NELL1: variants seen among roughly 807,000 people sequenced by gnomAD.
NELL1 encodes neural EGFL like 1.
A neutral mutation model predicts 107.4 loss-of-function variants in NELL1; 76 were observed. That is an observed-to-expected ratio of 0.71 (90% CI 0.59 to 0.86). The LOEUF (loss-of-function observed/expected upper bound fraction) is 0.86, where lower values mean the gene tolerates loss of function less well. NELL1 is among the 40% of genes least tolerant of loss of function. The pLI is 0.00. For synonymous variants in NELL1, 353 were observed against 341.2 expected (o/e 1.03, Z -0.38); for missense variants, 1,024 against 1,005.5 (o/e 1.02, Z -0.25).
intron 5 of NELL1, among the ~76,000 whole-genome samples, chr11:20,914,116 G>A (rs971730578): frequency 1.3e-5 from 2 of 152,090 alleles, no homozygotes; most frequent in African/African-American, 4.8e-5. Flanking sequence ...TGGTTTTGGA[G>A]TGTTAATCGA....
intron 13 of NELL1, among the ~76,000 whole-genome samples, chr11:21,166,121 G>A (rs1221922928): frequency 4.0e-5 from 6 of 151,566 alleles, no homozygotes; most frequent in Non-Finnish European, 8.8e-5. Flanking sequence ...AAATAAGTCA[G>A]GCACAGAAAG....
At chr11:21,528,522 C>CTTTT (rs1554929484) in intron 15 of NELL1, among the ~76,000 whole-genome samples, 1 of 113,108 alleles carries the variant, frequency 8.8e-6, no homozygotes, top group Non-Finnish European at 1.8e-5. Context: ...CCCCCCCCCC[C>CTTTT]TTTTTTTTTT....
intron 14 of NELL1, among the ~76,000 whole-genome samples, chr11:21,234,534 G>A (rs1038655026): frequency 7.2e-5 from 11 of 152,132 alleles, no homozygotes; most frequent in Non-Finnish European, 1.5e-5. Context: ...CAACTTTAAC[G>A]TTGACTGCCT....
At chr11:21,338,783 AG>A (rs1477983107) in intron 14 of NELL1, among the ~76,000 whole-genome samples, 1 of 152,210 alleles carries the variant, frequency 6.6e-6, no homozygotes. Flanking sequence ...ATGTTTATAA[AG>A]CATGGAAGTA....
rs544437719 is a variant in NELL1 at position 21,257,082 on chromosome 11, A to G, written c.1549+27628A>G. Among the ~76,000 whole-genome samples, 6 of 152,142 alleles carry G rather than the reference A, an allele frequency of 3.9e-5. No homozygotes were observed. The South Asian group carries it at 1.2e-3, about 32-fold the overall frequency. On this transcript the variant is annotated intron_variant, in intron 14 of 19. Coordinates refer to ENST00000357134, the MANE Select transcript of NELL1 (RefSeq NM_006157.5). ...AGCTTCCCCTCAGTCTCAGAGATGC[A>G]GTTGCTGGCAGTGGGAAGTCAGGCA...
At chr11:20,962,920 C>T (rs1202866919) in intron 12 of NELL1, among the ~76,000 whole-genome samples, 1 of 152,116 alleles carries the variant, frequency 6.6e-6, no homozygotes, top group African/African-American at 2.4e-5. Flanking sequence ...AAACATTGGA[C>T]CCCTCCTAGC....
At chr11:20,965,486 G>C (rs1851370321) in intron 12 of NELL1, among the ~76,000 whole-genome samples, 1 of 152,154 alleles carries the variant, frequency 6.6e-6, no homozygotes, top group African/African-American at 2.4e-5. Flanking sequence ...AATACATTTA[G>C]ATGGAAGGAC....
chr11:21,153,635 C>A (rs962251334), intron 13 of NELL1, among the ~76,000 whole-genome samples: 2 of 152,102 alleles, frequency 1.3e-5, no homozygotes, highest in Non-Finnish European at 2.9e-5. Context: ...TACATTATAT[C>A]TCTTTATTTA....
chr11:20,832,157 G>T (rs912328343), intron 3 of NELL1, among the ~76,000 whole-genome samples: 1 of 152,174 alleles, frequency 6.6e-6, no homozygotes, highest in African/African-American at 2.4e-5. Flanking sequence ...GTCTCACTAT[G>T]AATGACCGTT....
chr11:21,021,123 T>C (rs1182663762), intron 12 of NELL1, among the ~76,000 whole-genome samples: 1 of 151,292 alleles, frequency 6.6e-6, no homozygotes, highest in African/African-American at 2.4e-5. Flanking sequence ...GAAACAGAGA[T>C]GATGTTTTGC....
At chr11:20,972,591 C>A (rs1448239568) in intron 12 of NELL1, among the ~76,000 whole-genome samples, 1 of 152,140 alleles carries the variant, frequency 6.6e-6, no homozygotes, top group African/African-American at 2.4e-5. Flanking sequence ...AGCAGTGTGA[C>A]TGAAAACCTG....
chr11:20,926,439 T>G lies in NELL1; in HGVS notation c.760-869T>G, dbSNP rs932437516. On this transcript the variant is annotated intron_variant, in intron 7 of 19. Transcript: ENST00000357134. ...GGATGGATTACAATGAAAACCTAGG[T>G]ATGGCAGGAAAAAAAGAAAGATTTC... 3.9e-5 allele frequency among the ~76,000 whole-genome samples: 6 copies of G among 152,138 alleles called. 1 individual carries two copies. The highest frequency in any genetic ancestry group is 2.1e-4 in the South Asian group (1 of 4,816).
intron 12 of NELL1, among the ~76,000 whole-genome samples, chr11:20,978,633 G>T (rs559198032): frequency 6.6e-5 from 10 of 152,246 alleles, no homozygotes; most frequent in African/African-American, 2.4e-4. Context: ...ATTCAGGCAT[G>T]CTTCCACAAT....
chr11:21,329,487 A>T (rs1473041955), intron 14 of NELL1, among the ~76,000 whole-genome samples: 1 of 152,144 alleles, frequency 6.6e-6, no homozygotes, highest in Non-Finnish European at 1.5e-5. Context: ...AACACTATAG[A>T]TGTGAAAAGG....
chr11:20,954,067 C>T (rs557680699), intron 11 of NELL1, among the ~76,000 whole-genome samples: 2 of 152,300 alleles, frequency 1.3e-5, no homozygotes, highest in African/African-American at 4.8e-5. Flanking sequence ...TGTGTACCTT[C>T]CACAAGTTCA....
intron 2 of NELL1, among the ~76,000 whole-genome samples, chr11:20,730,371 A>C (rs1398857385): frequency 1.3e-5 from 2 of 152,138 alleles, no homozygotes; most frequent in African/African-American, 4.8e-5. Context: ...TATGCATTTT[A>C]CTGGGGAAAG....
intron 14 of NELL1, among the ~76,000 whole-genome samples, chr11:21,290,371 AAAATAAATAAATAAATAAAATAAATAGAT>A (rs1379436033): frequency 1.2e-4 from 17 of 143,834 alleles, no homozygotes; most frequent in African/African-American, 4.1e-4. Context: ...GCCATCTCAA[AAAATAAATAAATAAATAAAATAAATAGAT>A]AAATAAATAA....
At chr11:20,943,456 G>A (rs1244466601) in intron 10 of NELL1, among the ~76,000 whole-genome samples, 1 of 151,968 alleles carries the variant, frequency 6.6e-6, no homozygotes, top group Non-Finnish European at 1.5e-5. Context: ...GGTGGCACAT[G>A]CCTGTAATCC....
rs1263420630 is a variant in NELL1, at chr11:21,410,952, A to T, written c.1645+40004A>T. Among the ~76,000 whole-genome samples, 3 of 152,030 alleles carry T rather than the reference A, an allele frequency of 2.0e-5. No individual in the cohort carries two copies. The South Asian group carries it at 6.2e-4, about 32-fold the overall frequency. On this transcript the variant is annotated intron_variant, in intron 15 of 19. Coordinates refer to ENST00000357134, the MANE Select transcript of NELL1 (RefSeq NM_006157.5). ...CCCCCAACAGATGGTTCATATGGTG[A>T]TATCTTCTGAAGAGAATATAGCCTG... is the stretch of plus-strand genomic sequence containing the variant.
Sources: gnomAD v4.1 joint callset for allele counts (sites outside exome capture counted in the v4.1 genomes callset) on GRCh38, gnomAD v4.1.1 for gene constraint, MANE v1.5 for transcripts, NCBI Gene and HGNC (gene_info 2026-07-23, HGNC 2026-07-21) for gene names.